PPP2R5C: variants seen among roughly 807,000 people sequenced by gnomAD.
The protein encoded by PPP2R5C is protein phosphatase 2 regulatory subunit B'gamma, also known as serine/threonine-protein phosphatase 2A 56 kDa regulatory subunit gamma isoform.
Under a neutral mutation model 68.9 loss-of-function variants are expected in PPP2R5C, and 7 were observed. The ratio of observed to expected loss-of-function variants is 0.10; its 90% CI spans 0.06 to 0.19. The LOEUF (loss-of-function observed/expected upper bound fraction) is 0.19, where lower values mean the gene tolerates loss of function less well. Among genes scored for constraint, PPP2R5C ranks in the 10% least tolerant of loss-of-function variants. The probability of loss-of-function intolerance (pLI) is 1.00; values close to 1 mark genes in which losing one functional copy is unlikely to be tolerated. For synonymous variants in PPP2R5C, 210 were observed against 222.2 expected (o/e 0.95, Z 0.49); for missense variants, 348 against 641.3 (o/e 0.54, Z 4.94).
upstream of PPP2R5C, chr14:101,761,760 C>G (rs1238359100): frequency 5.0e-5 from 48 of 964,646 alleles, 2 homozygotes; most frequent in South Asian, 2.1e-3. Context: ...GAAGCGAGAG[C>G]AAGCGAAAGA....
At chr14:101,849,268 G>C (rs759224999) in intron 1 of PPP2R5C, among the ~76,000 whole-genome samples, 74 of 152,172 alleles carry the variant, frequency 4.9e-4, no homozygotes, top group Non-Finnish European at 5.6e-4. Context: ...GGTATGCCAG[G>C]AGTGCTGTCC....
chr14:101,900,983 G>A (rs200913783), intron 8 of PPP2R5C, among the ~76,000 whole-genome samples: 5 of 152,246 alleles, frequency 3.3e-5, no homozygotes, highest in East Asian at 3.8e-4. Context: ...AGGTCCCATC[G>A]CAGTACCTGT....
chr14:101,774,075 G>A (rs904357711), intron 2 of PPP2R5C, among the ~76,000 whole-genome samples: 2 of 152,238 alleles, frequency 1.3e-5, no homozygotes, highest in Non-Finnish European at 1.5e-5. Flanking sequence ...CTTCCTAGCT[G>A]CTATGTGGGA....
intron 1 of PPP2R5C, among the ~76,000 whole-genome samples, chr14:101,842,588 C>T (rs1435785996): frequency 2.6e-5 from 4 of 151,968 alleles, no homozygotes; most frequent in Non-Finnish European, 5.9e-5. Flanking sequence ...ACCTGAGGGG[C>T]GCCTGCTTCT....
chr14:101,864,852 G>A (rs946253444), intron 2 of PPP2R5C, among the ~76,000 whole-genome samples: 4 of 152,182 alleles, frequency 2.6e-5, no homozygotes, highest in African/African-American at 7.2e-5. Flanking sequence ...GGACCACCCC[G>A]TTTGCTCCGG....
intron 3 of PPP2R5C, among the ~76,000 whole-genome samples, chr14:101,802,440 T>C (rs544628493): frequency 1.6e-4 from 25 of 151,992 alleles, no homozygotes; most frequent in Non-Finnish European, 3.4e-4. Flanking sequence ...AAGAATGAAG[T>C]GGGACCCTTA....
At chr14:101,809,266 AAAATAG>A (rs1216228048), upstream of PPP2R5C, among the ~76,000 whole-genome samples, 1 of 152,156 alleles carries the variant, frequency 6.6e-6, no homozygotes, top group Non-Finnish European at 1.5e-5. Flanking sequence ...TTTCAGGGAA[AAAATAG>A]ATCTCAAGAA....
At chr14:101,854,251 A>G (rs959612981) in intron 1 of PPP2R5C, among the ~76,000 whole-genome samples, 1 of 152,122 alleles carries the variant, frequency 6.6e-6, no homozygotes, top group Admixed American at 6.5e-5. Flanking sequence ...TGTGCTTCTG[A>G]TCTCTGAATG....
At chr14:101,801,241 A>C (rs1230330217) in intron 3 of PPP2R5C, among the ~76,000 whole-genome samples, 3 of 152,238 alleles carry the variant, frequency 2.0e-5, no homozygotes, top group East Asian at 1.9e-4. Flanking sequence ...GAAAAGATAC[A>C]TGCTGGAGGT....
intron 2 of PPP2R5C, among the ~76,000 whole-genome samples, chr14:101,876,035 G>T (rs2043752545): frequency 6.6e-6 from 1 of 152,076 alleles, no homozygotes; most frequent in African/African-American, 2.4e-5. Flanking sequence ...GTTGCTGTTG[G>T]TTTCATATTT....
At chr14:101,887,442 C>G (rs1214741657) in intron 5 of PPP2R5C, among the ~76,000 whole-genome samples, 1 of 152,234 alleles carries the variant, frequency 6.6e-6, no homozygotes, top group African/African-American at 2.4e-5. Flanking sequence ...CCACCGCCAG[C>G]TCAGTGGCTT....
intron 1 of PPP2R5C, among the ~76,000 whole-genome samples, chr14:101,850,164 AG>A (rs2042071922): frequency 6.6e-6 from 1 of 152,114 alleles, no homozygotes; most frequent in African/African-American, 2.4e-5. Context: ...GATGGGTGCA[AG>A]GGGCCGTTCT....
intron 1 of PPP2R5C, 144 bp from the exon 2 acceptor site, chr14:101,762,761 T>A (rs2036621644): frequency 1.4e-6 from 1 of 698,788 alleles, no homozygotes; most frequent in East Asian, 2.7e-5. Flanking sequence ...CTAAACGGTA[T>A]GATATAGAAT....
chr14:101,869,377 T>C (rs1419759062), intron 2 of PPP2R5C, among the ~76,000 whole-genome samples: 1 of 152,226 alleles, frequency 6.6e-6, no homozygotes, highest in Non-Finnish European at 1.5e-5. Context: ...TTTGGAGCAA[T>C]AAAACTTTTA....
upstream of PPP2R5C, among the ~76,000 whole-genome samples, chr14:101,761,064 A>AGGGAGAGGAGGGAAG (rs1423466899): frequency 1.3e-4 from 3 of 23,794 alleles, no homozygotes; most frequent in Admixed American, 4.8e-4. Context: ...AGGGGAGTGG[A>AGGGAGAGGAGGGAAG]GGGAGAGGAG....
intron 2 of PPP2R5C, 92 bp downstream of exon 4, chr14:101,856,977 A>T: frequency 8.3e-7 from 1 of 1,208,804 alleles, no homozygotes; most frequent in East Asian, 2.4e-5. Context: ...GCTACCCAGG[A>T]GAAGAATCCT....
chr14:101,764,857 TC>T (rs2036770520), intron 2 of PPP2R5C, among the ~76,000 whole-genome samples: 1 of 151,914 alleles, frequency 6.6e-6, no homozygotes, highest in Non-Finnish European at 1.5e-5. Flanking sequence ...TAAGATTTCT[TC>T]TCCCCAGAGC....
intron 3 of PPP2R5C, among the ~76,000 whole-genome samples, chr14:101,800,532 C>T (rs1456787131): frequency 6.6e-6 from 1 of 151,784 alleles, no homozygotes; most frequent in Non-Finnish European, 1.5e-5. Context: ...CATTGCACTC[C>T]AGCCTGGGCA....
chr14:101,844,350 A>G (rs529866945), intron 1 of PPP2R5C, among the ~76,000 whole-genome samples: 1 of 152,120 alleles, frequency 6.6e-6, no homozygotes, highest in South Asian at 2.1e-4. Flanking sequence ...GATTGGACAC[A>G]CACGTGCACA....
Sources: gnomAD v4.1 joint callset for allele counts (sites outside exome capture counted in the v4.1 genomes callset) on GRCh38, gnomAD v4.1.1 for gene constraint, MANE v1.5 for transcripts, NCBI Gene and HGNC (gene_info 2026-07-23, HGNC 2026-07-21) for gene names.